INTS6L: variants seen among roughly 807,000 people sequenced by gnomAD.
INTS6L encodes integrator complex subunit 6-like.
Under a neutral mutation model 64.7 loss-of-function variants are expected in INTS6L, and 18 were observed. That is an observed-to-expected ratio of 0.28 (90% confidence interval 0.19 to 0.41). The LOEUF is 0.41. Ranked by LOEUF, INTS6L falls within the 10% of genes least tolerant of loss-of-function variation. The pLI is 1.00. For missense variants in INTS6L, 533 were observed against 661.0 expected (o/e 0.81, Z 2.12); for synonymous variants, 227 against 235.9 (o/e 0.96, Z 0.34).
At chrX:135,521,455 C>A in intron 2 of INTS6L, 137 bp downstream of exon 2, 1 of 582,904 alleles carries the variant, frequency 1.7e-6, no homozygotes, top group Non-Finnish European at 2.5e-6. Context: ...AGAGGGCGGG[C>A]GGAGTGGTGC....
intron 9 of INTS6L, among the ~76,000 whole-genome samples, chrX:135,558,752 C>T (rs371191384): frequency 1.2e-4 from 13 of 109,454 alleles, no homozygotes; most frequent in South Asian, 3.9e-4. Context: ...GTAAGTATTA[C>T]GTGTTTTTAA....
At chrX:135,531,276 A>C (rs934770769) in intron 2 of INTS6L, among the ~76,000 whole-genome samples, 1 of 111,558 alleles carries the variant, frequency 9.0e-6, no homozygotes, top group Non-Finnish European at 1.9e-5. Flanking sequence ...TTCTTTCTCT[A>C]TCTTCCAAAG....
chrX:135,544,269 G>C (rs1272185680), intron 2 of INTS6L, among the ~76,000 whole-genome samples: 1 of 111,795 alleles, frequency 8.9e-6, no homozygotes, highest in Non-Finnish European at 1.9e-5. Context: ...TTCATAACAG[G>C]GTTCATAGCC....
At chrX:135,524,737 A>T (rs1569506364) in intron 2 of INTS6L, among the ~76,000 whole-genome samples, 1 of 111,973 alleles carries the variant, frequency 8.9e-6, no homozygotes, top group Admixed American at 9.5e-5. Context: ...TCACTAATGT[A>T]TACTGTTGAA....
chrX:135,578,309 G>A (rs1264561177), intron 15 of INTS6L, among the ~76,000 whole-genome samples: 2 of 111,487 alleles, frequency 1.8e-5, no homozygotes, highest in Non-Finnish European at 3.8e-5. Context: ...AACTCAGTAG[G>A]TTTCATGAGT....
chrX:135,533,640 G>C (rs1382209309), intron 2 of INTS6L, among the ~76,000 whole-genome samples: 1 of 110,440 alleles, frequency 9.1e-6, no homozygotes, highest in Non-Finnish European at 1.9e-5. Flanking sequence ...AAAAGAATTA[G>C]TCCTGGGGAA....
chrX:135,544,113 G>A (rs2086294350), intron 2 of INTS6L, among the ~76,000 whole-genome samples: 1 of 111,768 alleles, frequency 8.9e-6, no homozygotes, highest in South Asian at 3.7e-4. Context: ...TAACCCTAGG[G>A]GGCGCCACTC....
In INTS6L at chrX:135,580,144, G is replaced by T; in HGVS notation, c.2476G>T (p.Val826Phe). 1.7e-6 allele frequency: 2 copies of T among 1,173,501 alleles called. No homozygotes were observed. The highest frequency in any genetic ancestry group is 2.3e-6 in the Non-Finnish European group (2 of 875,594). Residue 826 changes from valine to phenylalanine, a missense_variant, in exon 16 of 18, where the codon GTT (valine) becomes TTT (phenylalanine). Coordinates refer to ENST00000639893, the MANE Select transcript of INTS6L (RefSeq NM_001351601.3). Reference protein sequence around the residue: ...ADIKHQLMKEVRKFGRKYERI... With the variant: ...ADIKHQLMKEFRKFGRKYERI... ...TATAAAACATCAATTAATGAAGGAA[G>T]TTCGAAAGTTTGGTCGAAGTAAGTA...
intron 15 of INTS6L, among the ~76,000 whole-genome samples, chrX:135,579,171 C>G (rs1278127081): frequency 8.9e-6 from 1 of 112,015 alleles, no homozygotes; most frequent in East Asian, 2.8e-4. Flanking sequence ...CTGTTTACTG[C>G]TGATCTCCAG....
chrX:135,563,653 ATATAGCTATATATATAGC>A (rs1252217008), intron 9 of INTS6L, among the ~76,000 whole-genome samples: 39 of 3,029 alleles, frequency 0.013, no homozygotes, highest in East Asian at 0.029. Context: ...ATATATATAT[ATATAGCTATATATATAGC>A]TATATATATA....
chrX:135,558,584 A>G lies in INTS6L; in HGVS notation c.1192+2284A>G, dbSNP rs139312099. Among the ~76,000 whole-genome samples, 613 of 111,144 alleles carry G rather than the reference A, an allele frequency of 5.5e-3. 4 individuals are homozygous for G. Among genetic ancestry groups the G allele is most frequent in the African/African-American group, 0.019 (575 of 30,595 alleles). ...TGAGGTATTAAAAGTAGTCAAACTC[A>G]TAGAAACAGGGGCTGTGTGAGGGGA... On this transcript the variant is annotated intron_variant, in intron 9 of 17. Transcript: ENST00000639893.
In INTS6L at chrX:135,546,902, A is replaced by G. The variant is rs1556515255; in HGVS notation, c.613+17A>G. On this transcript the variant is annotated intron_variant, in intron 5 of 17. Transcript: ENST00000639893. ...TCACAGGAGGTATTGGCAATATTTAATGTTTCTGAAGGAAAAATTCAGAGC... is the reference window on the plus strand; with the variant it reads ...TCACAGGAGGTATTGGCAATATTTAGTGTTTCTGAAGGAAAAATTCAGAGC... The G allele has an allele frequency of 1.7e-6, 2 of 1,197,726 alleles. No individual in the cohort carries two copies. Among genetic ancestry groups the G allele is most frequent in the African/African-American group, 1.7e-5 (1 of 57,372 alleles).
chrX:135,575,280 T>G, intron 14 of INTS6L, 54 bp downstream of exon 14: 3 of 1,139,246 alleles, frequency 2.6e-6, no homozygotes, highest in Non-Finnish European at 3.5e-6. Context: ...GCTATATAAT[T>G]ATTTTCTTTT....
intron 16 of INTS6L, among the ~76,000 whole-genome samples, chrX:135,580,472 A>T (rs1885324871): frequency 8.9e-6 from 1 of 112,686 alleles, no homozygotes; most frequent in African/African-American, 3.2e-5. Context: ...GCTGGGCCAA[A>T]ATAGTGTTGG....
At chrX:135,542,489 C>A (rs1477863610) in intron 2 of INTS6L, among the ~76,000 whole-genome samples, 4 of 105,839 alleles carry the variant, frequency 3.8e-5, no homozygotes, top group Non-Finnish European at 7.7e-5. Context: ...CAGAGTGAGA[C>A]TCCATCTCAA....
intron 9 of INTS6L, among the ~76,000 whole-genome samples, chrX:135,557,483 G>C: frequency 9.0e-6 from 1 of 111,282 alleles, no homozygotes; most frequent in Non-Finnish European, 1.9e-5. Context: ...AAGTATATAC[G>C]CATTAAACCA....
intron 2 of INTS6L, 25 bp from the exon 3 acceptor site, chrX:135,545,398 T>C (rs1411739899): frequency 8.3e-7 from 1 of 1,203,917 alleles, no homozygotes; most frequent in African/African-American, 1.7e-5. Context: ...AATCAAGAAA[T>C]TCTTTGTAAA....
intron 2 of INTS6L, among the ~76,000 whole-genome samples, chrX:135,538,950 G>A (rs2086125118): frequency 8.9e-6 from 1 of 112,277 alleles, no homozygotes; most frequent in Non-Finnish European, 1.9e-5. Flanking sequence ...AAACAGATGT[G>A]CTGTCATCCA....
Position 135,570,455 on chromosome X carries a change from G to A in INTS6L, c.1307G>A (p.Arg436Lys). 8.7e-7 allele frequency: 1 copy of A among 1,150,466 alleles called. No individual in the cohort carries two copies. Among genetic ancestry groups the A allele is most frequent in the East Asian group, 3.3e-5 (1 of 30,662 alleles). The allele number at this position is 1,150,466 out of a possible 1,213,427, so 94.8% of individuals were successfully genotyped here. ...TTATAGCCATTAAAGAAAGCACTAA[G>A]GATGATGGGAGCTCCAAATCTGATA... ...YYLLPLKKAL[R>K]MMGAPNLISD... Residue 436 changes from arginine to lysine, a missense_variant, in exon 11 of 18, where the codon AGG (arginine) becomes AAG (lysine). Arg to Lys is a conservative substitution (Grantham distance 26). Transcript: ENST00000639893.
Sources: allele counts gnomAD v4.1 joint callset (sites outside exome capture counted in the v4.1 genomes callset), GRCh38; gene constraint gnomAD v4.1.1; transcripts MANE v1.5; gene names NCBI Gene and HGNC (gene_info 2026-07-23, HGNC 2026-07-21).